The following SORCS3 variants were observed in gnomAD, a reference collection of about 807,000 sequenced individuals.
SORCS3 encodes the protein sortilin related VPS10 domain containing receptor 3, also known as VPS10 domain-containing receptor SorCS3.
A neutral mutation model predicts 146.3 loss-of-function variants in SORCS3; 57 were observed. The observed-to-expected ratio is 0.39, with a 90% CI of 0.31 to 0.49. The LOEUF is 0.49. Among genes scored for constraint, SORCS3 ranks in the 20% least tolerant of loss-of-function variants. The probability of loss-of-function intolerance (pLI) is 0.92; values close to 1 mark genes in which losing one functional copy is unlikely to be tolerated. For missense variants in SORCS3, 1,341 were observed against 1,575.5 expected (o/e 0.85, Z 2.52); for synonymous variants, 653 against 618.5 (o/e 1.06, Z -0.83).
At chr10:105,071,318 G>T (rs1351208549) in intron 5 of SORCS3, among the ~76,000 whole-genome samples, 1 of 152,216 alleles carries the variant, frequency 6.6e-6, no homozygotes, top group Admixed American at 6.5e-5. Flanking sequence ...AATGAAGTCT[G>T]TGTATAGTTC....
chr10:104,785,621 C>T (rs2017425742), intron 1 of SORCS3, among the ~76,000 whole-genome samples: 1 of 151,906 alleles, frequency 6.6e-6, no homozygotes. Flanking sequence ...CTGTCAAGCA[C>T]AAGAGTGTTT....
At chr10:104,644,647 A>G (rs1467726810) in intron 1 of SORCS3, among the ~76,000 whole-genome samples, 2 of 152,232 alleles carry the variant, frequency 1.3e-5, no homozygotes, top group African/African-American at 2.4e-5. Context: ...AACAGAGAAC[A>G]TGGGGCCTAG....
At chr10:104,642,392 A>AC (rs936318792) in intron 1 of SORCS3, among the ~76,000 whole-genome samples, 3 of 67,970 alleles carry the variant, frequency 4.4e-5, no homozygotes, top group Admixed American at 3.2e-4. Context: ...CCCCACCCCC[A>AC]CCCCCCCTCC....
At chr10:105,153,645 A>ATGTG (rs372134420) in intron 9 of SORCS3, among the ~76,000 whole-genome samples, 492 of 146,300 alleles carry the variant, frequency 3.4e-3, no homozygotes, top group Middle Eastern at 6.9e-3. Context: ...GTGTGTGTGT[A>ATGTG]TGTGTGTGTG....
chr10:105,090,279 G>T (rs1243811193), intron 6 of SORCS3, among the ~76,000 whole-genome samples: 1 of 152,086 alleles, frequency 6.6e-6, no homozygotes, highest in African/African-American at 2.4e-5. Flanking sequence ...GAGATATTTA[G>T]GGATGGCCTG....
At chr10:104,884,530 TG>T (rs2018662563) in intron 2 of SORCS3, among the ~76,000 whole-genome samples, 1 of 152,166 alleles carries the variant, frequency 6.6e-6, no homozygotes, top group African/African-American at 2.4e-5. Flanking sequence ...GGGGAGCTAT[TG>T]AAGGTTTTCA....
At chr10:105,255,239 G>A (rs1362591812) in intron 23 of SORCS3, among the ~76,000 whole-genome samples, 3 of 147,320 alleles carry the variant, frequency 2.0e-5, no homozygotes, top group East Asian at 2.0e-4. Flanking sequence ...AAAACTGTCC[G>A]CATGTTCTCA....
chr10:105,104,302 A>G (rs930313439), intron 6 of SORCS3, among the ~76,000 whole-genome samples: 1 of 152,202 alleles, frequency 6.6e-6, no homozygotes, highest in Non-Finnish European at 1.5e-5. Flanking sequence ...TCATTAAATG[A>G]ATAACCTTTT....
intron 4 of SORCS3, among the ~76,000 whole-genome samples, chr10:104,979,093 C>T (rs2054918467): frequency 6.6e-6 from 1 of 152,298 alleles, no homozygotes; most frequent in South Asian, 2.1e-4. Flanking sequence ...AATCAAATCC[C>T]TTTTGATGTT....
intron 1 of SORCS3, among the ~76,000 whole-genome samples, chr10:104,835,435 C>T (rs1182230583): frequency 6.6e-6 from 1 of 152,142 alleles, no homozygotes; most frequent in African/African-American, 2.4e-5. Flanking sequence ...GGTGGATGTG[C>T]AGAGAGCCCC....
intron 1 of SORCS3, among the ~76,000 whole-genome samples, chr10:104,685,858 G>T (rs2016037494): frequency 6.6e-6 from 1 of 152,214 alleles, no homozygotes; most frequent in Admixed American, 6.5e-5. Context: ...TTTCTAGGGA[G>T]TGGAACATCC....
At chr10:105,228,412 TTC>T (rs2056747071) in intron 20 of SORCS3, among the ~76,000 whole-genome samples, 1 of 151,816 alleles carries the variant, frequency 6.6e-6, no homozygotes, top group Non-Finnish European at 1.5e-5. Flanking sequence ...TCTTCTTTCT[TTC>T]TCTGTTTCTT....
intron 19 of SORCS3, among the ~76,000 whole-genome samples, chr10:105,219,526 C>T (rs984925958): frequency 1.3e-5 from 2 of 152,190 alleles, no homozygotes; most frequent in Admixed American, 1.3e-4. Context: ...TATCAGTTAA[C>T]GGTTGACTGG....
intron 5 of SORCS3, among the ~76,000 whole-genome samples, chr10:105,069,021 C>T (rs142021967): frequency 2.6e-4 from 39 of 152,266 alleles, no homozygotes; most frequent in Non-Finnish European, 3.7e-4. Flanking sequence ...TACCATAGAT[C>T]GTTTTGGAAA....
chr10:104,787,441 A>G (rs540475276), intron 1 of SORCS3, among the ~76,000 whole-genome samples: 5 of 152,330 alleles, frequency 3.3e-5, no homozygotes, highest in African/African-American at 9.6e-5. Context: ...ATAAGGAATC[A>G]TAATGAATCC....
chr10:104,770,716 C>G (rs1475834785), intron 1 of SORCS3, among the ~76,000 whole-genome samples: 1 of 151,512 alleles, frequency 6.6e-6, no homozygotes, highest in Non-Finnish European at 1.5e-5. Context: ...ACCTGTGGTC[C>G]CAGCTACTCA....
At chr10:104,823,444 T>A (rs1350104287) in intron 1 of SORCS3, among the ~76,000 whole-genome samples, 2 of 152,174 alleles carry the variant, frequency 1.3e-5, no homozygotes, top group South Asian at 2.1e-4. Flanking sequence ...CGACAACTTT[T>A]TCATAAGGGA....
At chr10:105,124,070 CT>C (rs2055955166) in intron 7 of SORCS3, among the ~76,000 whole-genome samples, 1 of 152,178 alleles carries the variant, frequency 6.6e-6, no homozygotes, top group Non-Finnish European at 1.5e-5. Context: ...TTCCTTCCCC[CT>C]TTCTAAACTG....
chr10:104,655,247 C>G (rs1227142290), intron 1 of SORCS3, among the ~76,000 whole-genome samples: 1 of 133,288 alleles, frequency 7.5e-6, no homozygotes, highest in Non-Finnish European at 1.6e-5. Context: ...AGCTCCGTCT[C>G]AAAAAAAAAA....
Sources: gnomAD v4.1 joint callset for allele counts (sites outside exome capture counted in the v4.1 genomes callset) on GRCh38, gnomAD v4.1.1 for gene constraint, MANE v1.5 for transcripts, NCBI Gene and HGNC (gene_info 2026-07-23, HGNC 2026-07-21) for gene names.